The following NAALADL2 variants were observed in gnomAD, a reference collection of about 807,000 sequenced individuals.
NAALADL2 encodes the protein N-acetylated alpha-linked acidic dipeptidase like 2, also known as inactive N-acetylated-alpha-linked acidic dipeptidase-like protein 2.
A neutral mutation model predicts 87.2 loss-of-function variants in NAALADL2; 76 were observed. The ratio of observed to expected loss-of-function variants is 0.87; its 90% CI spans 0.72 to 1.05. The LOEUF (loss-of-function observed/expected upper bound fraction) is 1.05. NAALADL2 is among the 50% of genes least tolerant of loss of function. The pLI, the probability that NAALADL2 is intolerant of heterozygous loss-of-function variation, is 0.00. For synonymous variants in NAALADL2, 354 were observed against 331.0 expected, an observed-to-expected ratio of 1.07 and a Z score of -0.75; for missense variants, 1,089 against 945.8, an observed-to-expected ratio of 1.15 and a Z score of -1.99.
At chr3:175,338,027 T>G (rs537855758) in intron 5 of NAALADL2, among the ~76,000 whole-genome samples, 1 of 152,254 alleles carries the variant, frequency 6.6e-6, no homozygotes, top group East Asian at 1.9e-4. Flanking sequence ...CAAACTGAAC[T>G]TTCACAGCTT....
intron 1 of NAALADL2, among the ~76,000 whole-genome samples, chr3:174,927,153 G>C (rs1282383753): frequency 6.6e-6 from 1 of 152,052 alleles, no homozygotes; most frequent in Non-Finnish European, 1.5e-5. Flanking sequence ...AACAAGAAGA[G>C]CTAACTATCG....
chr3:175,121,229 G>A (rs964747221), intron 2 of NAALADL2, among the ~76,000 whole-genome samples: 3 of 151,968 alleles, frequency 2.0e-5, no homozygotes, highest in African/African-American at 7.2e-5. Flanking sequence ...AAGTGTGTTG[G>A]TGATGGCTGG....
intron 5 of NAALADL2, among the ~76,000 whole-genome samples, chr3:175,442,045 G>C (rs560353573): frequency 5.3e-5 from 8 of 152,054 alleles, no homozygotes; most frequent in Admixed American, 2.6e-4. Context: ...AGATTCAAGC[G>C]ATTGTCCTGC....
intron 1 of NAALADL2, among the ~76,000 whole-genome samples, chr3:174,877,667 A>G (rs1728675596): frequency 6.6e-6 from 1 of 152,150 alleles, no homozygotes; most frequent in Non-Finnish European, 1.5e-5. Context: ...GTCTATAGCT[A>G]TCTTAAAGTA....
intron 12 of NAALADL2, among the ~76,000 whole-genome samples, chr3:175,739,480 G>T (rs1186294666): frequency 6.6e-6 from 1 of 152,108 alleles, no homozygotes; most frequent in African/African-American, 2.4e-5. Flanking sequence ...GACCTATTGG[G>T]TTATTGCTAG....
intron 4 of NAALADL2, among the ~76,000 whole-genome samples, chr3:175,279,923 C>A (rs1754069609): frequency 2.0e-5 from 3 of 151,304 alleles, no homozygotes; most frequent in Admixed American, 2.0e-4. Flanking sequence ...ATTTTAGAAG[C>A]AAAAATGCCA....
intron 13 of NAALADL2, among the ~76,000 whole-genome samples, chr3:175,770,223 A>G (rs959892435): frequency 6.6e-6 from 1 of 152,214 alleles, no homozygotes; most frequent in African/African-American, 2.4e-5. Context: ...ATTAATTTGT[A>G]ACATTTCAGA....
At chr3:175,361,027 C>T (rs1019395490) in intron 5 of NAALADL2, among the ~76,000 whole-genome samples, 13 of 151,630 alleles carry the variant, frequency 8.6e-5, no homozygotes, top group Non-Finnish European at 8.8e-5. Context: ...ACTCCCCCCA[C>T]CCCACAACAG....
At chr3:175,250,840 G>T (rs977099300) in intron 3 of NAALADL2, among the ~76,000 whole-genome samples, 1 of 152,122 alleles carries the variant, frequency 6.6e-6, no homozygotes, top group Non-Finnish European at 1.5e-5. Context: ...CTTTTCCTTA[G>T]TTACATCTGT....
At chr3:174,842,339 C>G (rs372215549) in intron 3 of NAALADL2, among the ~76,000 whole-genome samples, 2 of 152,172 alleles carry the variant, frequency 1.3e-5, no homozygotes, top group African/African-American at 4.8e-5. Flanking sequence ...GTGTGAGCCA[C>G]TGCACCTGGC....
At position 175,335,440 on chromosome 3, in the gene NAALADL2, G is replaced by A. The variant is rs145742148; in HGVS notation, c.1090+11115G>A. Among the ~76,000 whole-genome samples, 242 of 152,224 alleles carry A rather than the reference G, an allele frequency of 1.6e-3. 1 individual carries two copies. Among genetic ancestry groups the A allele is most frequent in the African/African-American group, 5.7e-3 (238 of 41,550 alleles). Reference sequence around the variant, plus strand: ...TAATCTTGATAACTGAGGATTGTTTGCATTTTTTACCATTTGAAAGTTGTA... The same window carrying A: ...TAATCTTGATAACTGAGGATTGTTTACATTTTTTACCATTTGAAAGTTGTA... On this transcript the variant is annotated intron_variant, in intron 5 of 13. Transcript: ENST00000454872.
intron 13 of NAALADL2, among the ~76,000 whole-genome samples, chr3:175,802,064 CCA>C (rs1754223849): frequency 6.6e-6 from 1 of 152,050 alleles, no homozygotes; most frequent in African/African-American, 2.4e-5. Flanking sequence ...GTCTGTAGCT[CCA>C]CTCTCTCATC....
intron 3 of NAALADL2, among the ~76,000 whole-genome samples, chr3:174,830,935 T>C (rs1180465526): frequency 6.6e-6 from 1 of 151,114 alleles, no homozygotes; most frequent in African/African-American, 2.4e-5. Context: ...TAAGAATGCT[T>C]GTGATTTTTG....
chr3:175,150,157 T>A (rs7426467), intron 2 of NAALADL2, among the ~76,000 whole-genome samples: 44,564 of 150,322 alleles, frequency 0.3, 6,756 homozygotes, highest in South Asian at 0.34. Flanking sequence ...CTATGTTTTA[T>A]AACAATAGGT....
intron 13 of NAALADL2, among the ~76,000 whole-genome samples, chr3:175,794,307 C>A (rs893418819): frequency 6.6e-6 from 1 of 151,174 alleles, no homozygotes; most frequent in Non-Finnish European, 1.5e-5. Context: ...AGTTTGAGTT[C>A]ATACATAGAG....
chr3:175,777,904 C>A (rs139769219), intron 13 of NAALADL2, among the ~76,000 whole-genome samples: 1 of 152,206 alleles, frequency 6.6e-6, no homozygotes, highest in East Asian at 1.9e-4. Flanking sequence ...TTAAAAATTA[C>A]AAAGAATTTG....
chr3:174,468,050 G>A (rs758090236), intron 1 of NAALADL2, among the ~76,000 whole-genome samples: 1 of 152,158 alleles, frequency 6.6e-6, no homozygotes. Flanking sequence ...TTAAGCAAAA[G>A]CTGTCTTCTA....
intron 1 of NAALADL2, among the ~76,000 whole-genome samples, chr3:175,027,500 G>A (rs1413926101): frequency 6.6e-6 from 1 of 151,940 alleles, no homozygotes; most frequent in Non-Finnish European, 1.5e-5. Flanking sequence ...CAATTAAAAA[G>A]ACCTATGTGA....
At chr3:175,776,809 A>G (rs1183647590) in intron 13 of NAALADL2, among the ~76,000 whole-genome samples, 5 of 152,102 alleles carry the variant, frequency 3.3e-5, no homozygotes, top group African/African-American at 1.2e-4. Flanking sequence ...TATGAGGCAC[A>G]TATCTGAAGG....
Sources: gnomAD v4.1 joint callset for allele counts (sites outside exome capture counted in the v4.1 genomes callset) on GRCh38, gnomAD v4.1.1 for gene constraint, MANE v1.5 for transcripts, NCBI Gene and HGNC (gene_info 2026-07-23, HGNC 2026-07-21) for gene names.